Variants in LHPP observed in about 807,000 individuals in gnomAD.
LHPP encodes phospholysine phosphohistidine inorganic pyrophosphate phosphatase.
In LHPP, 24 loss-of-function variants were observed where a neutral mutation model predicts 30.3. The observed-to-expected ratio is 0.79, with a 90% CI of 0.57 to 1.11. LHPP has a LOEUF of 1.11. LHPP is among the 50% of genes most tolerant of loss of function. The probability of loss-of-function intolerance (pLI) is 0.00; values close to 1 mark genes in which losing one functional copy is unlikely to be tolerated. For synonymous variants in LHPP, 150 were observed against 157.1 expected (o/e 0.95, Z 0.34); for missense variants, 356 against 367.2 (o/e 0.97, Z 0.25).
In LHPP at chr10:124,540,287, T is replaced by C. The variant is rs190113259; in HGVS notation, c.716+23016T>C. Among the ~76,000 whole-genome samples, 1,511 of 152,316 alleles carry C rather than the reference T, an allele frequency of 9.9e-3. 27 individuals are homozygous for C. Among genetic ancestry groups the C allele is most frequent in the African/African-American group, 0.035 (1,436 of 41,576 alleles). On this transcript the variant is annotated intron_variant, in intron 6 of 6. Transcript: ENST00000368842. Reference sequence around the variant, plus strand: ...GCAGCCCAGGCACATAGCCCTGCCCTGGCCCTCCAGGTCCACACGGCTGTG... The same window carrying C: ...GCAGCCCAGGCACATAGCCCTGCCCCGGCCCTCCAGGTCCACACGGCTGTG...
chr10:124,611,584 C>T (rs1295466366), intron 6 of LHPP, among the ~76,000 whole-genome samples: 1 of 151,836 alleles, frequency 6.6e-6, no homozygotes, highest in South Asian at 2.1e-4. Context: ...CTCACAGTCA[C>T]AGGGGAGCCC....
chr10:124,464,800 A>G (rs1342408294), intron 1 of LHPP, among the ~76,000 whole-genome samples: 2 of 152,194 alleles, frequency 1.3e-5, no homozygotes, highest in African/African-American at 4.8e-5. Flanking sequence ...TGCGGAAGAT[A>G]CATTTGACAT....
intron 5 of LHPP, among the ~76,000 whole-genome samples, chr10:124,513,743 A>G (rs1954376657): frequency 6.6e-6 from 1 of 150,782 alleles, no homozygotes; most frequent in Non-Finnish European, 1.5e-5. Context: ...GGTGTGTGCT[A>G]CCACTCCCAG....
intron 6 of LHPP, among the ~76,000 whole-genome samples, chr10:124,522,721 A>ACCC (rs1954637762): frequency 8.3e-6 from 1 of 121,144 alleles, no homozygotes; most frequent in African/African-American, 3.2e-5. Context: ...ACTGCTGCCC[A>ACCC]CGCCCCCCCC....
intron 3 of LHPP, among the ~76,000 whole-genome samples, chr10:124,491,435 A>G (rs998147018): frequency 6.6e-6 from 1 of 152,168 alleles, no homozygotes; most frequent in Non-Finnish European, 1.5e-5. Context: ...AATTCTGACT[A>G]CAACCTTGTG....
At chr10:124,565,789 G>A (rs1258373742) in intron 6 of LHPP, among the ~76,000 whole-genome samples, 3 of 152,212 alleles carry the variant, frequency 2.0e-5, no homozygotes, top group African/African-American at 7.2e-5. Flanking sequence ...AAGGTCACAG[G>A]AAGGCAGGGG....
intron 6 of LHPP, among the ~76,000 whole-genome samples, chr10:124,607,047 GTCTC>G (rs893406417): frequency 2.0e-5 from 3 of 152,154 alleles, no homozygotes; most frequent in Admixed American, 2.0e-4. Flanking sequence ...GTGTGGCCGT[GTCTC>G]TCTGTCTGTC....
intron 1 of LHPP, among the ~76,000 whole-genome samples, chr10:124,463,410 C>G (rs1034010313): frequency 6.6e-6 from 1 of 151,304 alleles, no homozygotes; most frequent in East Asian, 2.0e-4. Flanking sequence ...TTGCCCAGGC[C>G]GGAGTGCAGT....
rs150728362 is a variant in LHPP at position 124,500,721 on chromosome 10, G to A, written c.624+2593G>A. 8.4e-3 allele frequency among the ~76,000 whole-genome samples: 1,242 copies of A among 147,268 alleles called. 31 individuals are homozygous for A. The highest frequency in any genetic ancestry group is 0.032 in the African/African-American group (1,202 of 38,060). ...GATACCACTTCACACTAAGATGACT[G>A]TATAGTTAAAAAAAAAAATAGAAAA... On this transcript the variant is annotated intron_variant, in intron 5 of 6. Transcript: ENST00000368842.
At chr10:124,484,583 C>A (rs891831059) in intron 2 of LHPP, among the ~76,000 whole-genome samples, 2 of 151,316 alleles carry the variant, frequency 1.3e-5, no homozygotes, top group African/African-American at 4.9e-5. Flanking sequence ...GGAGGAAAAT[C>A]CTAGGCTCTC....
rs201382794 is a variant in LHPP, at chr10:124,561,527, G to GC, written c.716+44264dup. On this transcript the variant is annotated intron_variant, in intron 6 of 6. Transcript: ENST00000368842. Reference sequence around the variant, plus strand: ...CCACTCAGAGGTTACAAGGCTATCCGCCCCCCCCACAACAGTGACAATGGA... The same window carrying GC: ...CCACTCAGAGGTTACAAGGCTATCCGCCCCCCCCCACAACAGTGACAATGGA... Among the ~76,000 whole-genome samples, 598 of 151,240 alleles carry GC rather than the reference G, an allele frequency of 4.0e-3. 2 individuals carry two copies. The highest frequency in any genetic ancestry group is 0.012 in the African/African-American group (503 of 41,156).
chr10:124,556,356 G>A lies in LHPP; in HGVS notation c.716+39085G>A, dbSNP rs569124026. Among the ~76,000 whole-genome samples the A allele has an allele frequency of 6.6e-5, 10 of 152,304 alleles. No individual in the cohort carries two copies. The East Asian group carries it at 1.7e-3, about 26-fold the overall frequency. ...CCTTCCAAACCACCGTGCATTCTCC[G>A]GGGCCATCGTTTTAATGGCTGCACC... On this transcript the variant is annotated intron_variant, in intron 6 of 6. Coordinates refer to ENST00000368842, the MANE Select transcript of LHPP (RefSeq NM_022126.4).
intron 6 of LHPP, among the ~76,000 whole-genome samples, chr10:124,594,297 T>G (rs1948915767): frequency 8.6e-6 from 1 of 116,518 alleles, no homozygotes; most frequent in Admixed American, 1.3e-4. Context: ...GCCATTGCAC[T>G]CCAGCCTGGG....
At chr10:124,557,931 T>C (rs1948330554) in intron 6 of LHPP, among the ~76,000 whole-genome samples, 1 of 152,100 alleles carries the variant, frequency 6.6e-6, no homozygotes, top group South Asian at 2.1e-4. Flanking sequence ...GTGCGTTGCC[T>C]GCAGCCTGGG....
At position 124,517,320 on chromosome 10, in the gene LHPP, C is replaced by A; in HGVS notation, c.716+49C>A. Reference sequence around the variant, plus strand: ...ATTCACCTTCCTTCCAGGGGATGACCACATTCTCATTCTGTTTTGTTCTTC... The same window carrying A: ...ATTCACCTTCCTTCCAGGGGATGACAACATTCTCATTCTGTTTTGTTCTTC... On this transcript the variant is annotated intron_variant, in intron 6 of 6. Transcript: ENST00000368842. This position sits in a 1 kb window ranked among gnomAD's most constrained non-coding sequence, Gnocchi z 4.1. The A allele has an allele frequency of 8.4e-7, 1 of 1,195,324 alleles. No individual in the cohort carries two copies. The highest frequency in any genetic ancestry group is 1.2e-6 in the Non-Finnish European group (1 of 849,190). The allele number at this position is 1,195,324 out of a possible 1,614,324, so 74.0% of individuals were successfully genotyped here.
At chr10:124,498,362 C>T in intron 5 of LHPP, 1 of 1,563,232 alleles carries the variant, frequency 6.4e-7, no homozygotes. Context: ...GCAGAAATGC[C>T]TGCGGCTTTT....
chr10:124,560,976 A>G (rs1948386270), intron 6 of LHPP, among the ~76,000 whole-genome samples: 1 of 152,088 alleles, frequency 6.6e-6, no homozygotes, highest in Non-Finnish European at 1.5e-5. Context: ...CAGTTATGAA[A>G]CAAACAGAAG....
chr10:124,569,901 C>G (rs758126297), intron 6 of LHPP, among the ~76,000 whole-genome samples: 1 of 152,218 alleles, frequency 6.6e-6, no homozygotes. Context: ...AACCCCCACA[C>G]AGATCAAGAT....
At chr10:124,470,049 G>A (rs1952680370) in intron 1 of LHPP, among the ~76,000 whole-genome samples, 1 of 152,174 alleles carries the variant, frequency 6.6e-6, no homozygotes, top group Admixed American at 6.5e-5. Flanking sequence ...GGGTGGGCGT[G>A]GTCACAGGCC....
Sources: gnomAD v4.1 joint callset for allele counts (sites outside exome capture counted in the v4.1 genomes callset) on GRCh38, gnomAD v4.1.1 for gene constraint, Gnocchi (gnomAD v3.1) non-coding constraint, MANE v1.5 for transcripts, NCBI Gene and HGNC (gene_info 2026-07-23, HGNC 2026-07-21) for gene names.